GPHN: variants seen among roughly 807,000 people sequenced by gnomAD.
The protein encoded by GPHN is gephyrin.
A neutral mutation model predicts 95.5 loss-of-function variants in GPHN; 17 were observed. The ratio of observed to expected loss-of-function variants is 0.18; its 90% CI spans 0.12 to 0.27. The LOEUF is 0.27. GPHN is among the 10% of genes least tolerant of loss of function. The pLI, the probability that GPHN is intolerant of heterozygous loss-of-function variation, is 1.00. For synonymous variants in GPHN, 320 were observed against 322.5 expected (o/e 0.99, Z 0.08); for missense variants, 660 against 978.1 (o/e 0.67, Z 4.34).
chr14:67,693,067 G>C, the GPHN span: 1 of 1,569,112 alleles, frequency 6.4e-7, no homozygotes, highest in Non-Finnish European at 8.8e-7. Context: ...AGACAGAGAA[G>C]GAGAGCTCAT....
At chr14:67,059,135 TATG>T (rs1474457903) in intron 11 of GPHN, 3 of 321,930 alleles carry the variant, frequency 9.3e-6, no homozygotes, top group Non-Finnish European at 1.7e-5. Flanking sequence ...TCTGAGTCTG[TATG>T]ATGTCCTTTC....
chr14:66,945,073 T>C (rs2095552426), intron 8 of GPHN, among the ~76,000 whole-genome samples: 1 of 152,226 alleles, frequency 6.6e-6, no homozygotes, highest in African/African-American at 2.4e-5. Flanking sequence ...AAGCCCCATG[T>C]TGGGCGCCAA....
chr14:67,420,356 G>A, the GPHN span, among the ~76,000 whole-genome samples: 52 of 152,344 alleles, frequency 3.4e-4, no homozygotes, highest in African/African-American at 1.2e-3. Flanking sequence ...GAGGGGTGAC[G>A]CCAGCCCTAA....
At chr14:67,031,457 G>T (rs2153630888) in intron 10 of GPHN, among the ~76,000 whole-genome samples, 1 of 152,124 alleles carries the variant, frequency 6.6e-6, no homozygotes, top group South Asian at 2.1e-4. Flanking sequence ...TATAACTAAG[G>T]ATAATTAGCA....
At chr14:66,527,038 C>G (rs909863261) in intron 1 of GPHN, among the ~76,000 whole-genome samples, 3 of 151,976 alleles carry the variant, frequency 2.0e-5, no homozygotes, top group African/African-American at 7.3e-5. Context: ...TGCAGTAGTT[C>G]CAAAAGGAAT....
chr14:66,951,893 T>C (rs2068132485), intron 8 of GPHN, among the ~76,000 whole-genome samples: 1 of 152,112 alleles, frequency 6.6e-6, no homozygotes, highest in Admixed American at 6.5e-5. Context: ...TATCTCACAG[T>C]ATACAAAAAT....
At chr14:67,409,051 TA>T in the GPHN span, among the ~76,000 whole-genome samples, 318 of 108,326 alleles carry the variant, frequency 2.9e-3, no homozygotes, top group East Asian at 7.5e-3. Context: ...ATTGTCGCTA[TA>T]AAAAAAAAAA....
chr14:66,812,333 A>G (rs574683090), intron 3 of GPHN, among the ~76,000 whole-genome samples: 1 of 152,328 alleles, frequency 6.6e-6, no homozygotes. Context: ...AATCAATATT[A>G]TAACAAAATC....
intron 21 of GPHN, 39 bp from the exon 22 acceptor site, chr14:67,179,539 G>A (rs1395680655): frequency 1.7e-6 from 2 of 1,171,982 alleles, no homozygotes; most frequent in Non-Finnish European, 2.6e-6. Flanking sequence ...GAGATGATCA[G>A]GTGACCAAGT....
intron 8 of GPHN, among the ~76,000 whole-genome samples, chr14:66,962,157 C>T (rs1477381207): frequency 6.6e-6 from 1 of 150,696 alleles, no homozygotes; most frequent in Non-Finnish European, 1.5e-5. Flanking sequence ...AATTTTCTTT[C>T]AGGTAACTAA....
the GPHN span, among the ~76,000 whole-genome samples, chr14:67,231,986 A>T: frequency 2.0e-5 from 3 of 151,520 alleles, no homozygotes; most frequent in Admixed American, 2.0e-4. Context: ...AAAAAAAAAA[A>T]TTAACATGAT....
the GPHN span, among the ~76,000 whole-genome samples, chr14:67,329,395 T>G: frequency 6.6e-6 from 1 of 152,216 alleles, no homozygotes; most frequent in African/African-American, 2.4e-5. Flanking sequence ...GATGGAGTTT[T>G]CTACATGTAC....
intron 1 of GPHN, among the ~76,000 whole-genome samples, chr14:66,548,859 T>C (rs1430797353): frequency 6.6e-6 from 1 of 152,202 alleles, no homozygotes; most frequent in Non-Finnish European, 1.5e-5. Flanking sequence ...TTTTAAAAAA[T>C]AGCAGAGAAC....
chr14:66,857,810 A>G (rs6573726), intron 4 of GPHN, among the ~76,000 whole-genome samples: 48,795 of 152,064 alleles, frequency 0.32, 12,367 homozygotes, highest in African/African-American at 0.68. Flanking sequence ...GTCATACCCC[A>G]GCAGCAACTG....
At chr14:66,783,400 G>A (rs1026072554) in intron 3 of GPHN, among the ~76,000 whole-genome samples, 1 of 152,076 alleles carries the variant, frequency 6.6e-6, no homozygotes, top group Admixed American at 6.5e-5. Flanking sequence ...TCTATCACCA[G>A]CCCAGTGGAA....
At chr14:66,955,703 C>G (rs10873197) in intron 8 of GPHN, among the ~76,000 whole-genome samples, 44,830 of 151,894 alleles carry the variant, frequency 0.3, 10,695 homozygotes, top group African/African-American at 0.63. Flanking sequence ...ATCCCTCCCC[C>G]CTCCTCCCAC....
At chr14:66,814,406 T>G (rs1252273546) in intron 3 of GPHN, among the ~76,000 whole-genome samples, 1 of 152,154 alleles carries the variant, frequency 6.6e-6, no homozygotes, top group Non-Finnish European at 1.5e-5. Flanking sequence ...CAGGCACCCC[T>G]GCATCTGTTA....
At chr14:67,286,310 CTG>C in the GPHN span, among the ~76,000 whole-genome samples, 3 of 152,090 alleles carry the variant, frequency 2.0e-5, no homozygotes, top group Non-Finnish European at 4.4e-5. Flanking sequence ...CTTCTTGTGT[CTG>C]TTGTCTGTCT....
At chr14:67,734,558 T>A in the GPHN span, 2 of 155,586 alleles carry the variant, frequency 1.3e-5, no homozygotes, top group East Asian at 3.8e-4. Flanking sequence ...GCCACGGGAA[T>A]TGGGAATAGC....
Sources: gnomAD v4.1 joint callset for allele counts (sites outside exome capture counted in the v4.1 genomes callset) on GRCh38, gnomAD v4.1.1 for gene constraint, MANE v1.5 for transcripts, NCBI Gene and HGNC (gene_info 2026-07-23, HGNC 2026-07-21) for gene names.